SRD5A2: variants seen among roughly 807,000 people sequenced by gnomAD.
The protein encoded by SRD5A2 is 3-oxo-5-alpha-steroid 4-dehydrogenase 2.
A neutral mutation model predicts 27.4 loss-of-function variants in SRD5A2; 30 were observed. That is an observed-to-expected ratio of 1.10 (90% CI 0.82 to 1.49). The LOEUF (loss-of-function observed/expected upper bound fraction) is 1.49, where lower values mean the gene tolerates loss of function less well. SRD5A2 is among the 40% of genes most tolerant of loss of function. The pLI is 0.00. For missense variants in SRD5A2, 348 were observed against 323.4 expected, an observed-to-expected ratio of 1.08 and a Z score of -0.58; for synonymous variants, 141 against 133.6, an observed-to-expected ratio of 1.06 and a Z score of -0.38.
chr2:31,611,854 C>T, the SRD5A2 span, among the ~76,000 whole-genome samples: 3 of 151,978 alleles, frequency 2.0e-5, no homozygotes, highest in Admixed American at 6.6e-5. Context: ...AAGACTTGTA[C>T]GTGAATGTTC....
intron 1 of SRD5A2, among the ~76,000 whole-genome samples, chr2:31,549,110 T>TTATTAC (rs1666326729): frequency 1.4e-5 from 2 of 146,278 alleles, no homozygotes; most frequent in Non-Finnish European, 3.0e-5. Context: ...ATTATTATTA[T>TTATTAC]TATTATTATT....
chr2:31,609,486 C>A, the SRD5A2 span, among the ~76,000 whole-genome samples: 1 of 152,220 alleles, frequency 6.6e-6, no homozygotes, highest in Admixed American at 6.6e-5. Context: ...TGATTTTCAA[C>A]AAGGTTGTCA....
intron 1 of SRD5A2, among the ~76,000 whole-genome samples, chr2:31,580,398 G>C (rs1489512936): frequency 2.6e-5 from 4 of 152,234 alleles, no homozygotes; most frequent in African/African-American, 4.8e-5. Context: ...GGTCCTGGGG[G>C]AGTGAAGGCG....
chr2:31,552,610 G>T (rs773016635), intron 1 of SRD5A2, among the ~76,000 whole-genome samples: 16 of 152,032 alleles, frequency 1.1e-4, no homozygotes, highest in Admixed American at 2.6e-4. Flanking sequence ...CAACCTCTTG[G>T]TCTTTCACTA....
At chr2:31,616,065 T>C in the SRD5A2 span, among the ~76,000 whole-genome samples, 1 of 152,072 alleles carries the variant, frequency 6.6e-6, no homozygotes, top group Non-Finnish European at 1.5e-5. Context: ...TGCATGGAAA[T>C]GCCTGGATGT....
chr2:31,625,718 A>G, the SRD5A2 span, among the ~76,000 whole-genome samples: 1 of 152,068 alleles, frequency 6.6e-6, no homozygotes, highest in Non-Finnish European at 1.5e-5. Flanking sequence ...GCATTGATCT[A>G]TATCTCTGTT....
chr2:31,560,012 T>TC (rs1381894470), intron 1 of SRD5A2, among the ~76,000 whole-genome samples: 5 of 152,050 alleles, frequency 3.3e-5, no homozygotes, highest in Admixed American at 6.5e-5. Context: ...ATCATCACTT[T>TC]TTAAAAAATT....
At chr2:31,569,410 G>A (rs993912099) in intron 1 of SRD5A2, among the ~76,000 whole-genome samples, 1 of 152,088 alleles carries the variant, frequency 6.6e-6, no homozygotes, top group Non-Finnish European at 1.5e-5. Flanking sequence ...CAAACACTTG[G>A]TATGGTCAGT....
chr2:31,594,410 T>A, the SRD5A2 span, among the ~76,000 whole-genome samples: 3 of 152,048 alleles, frequency 2.0e-5, no homozygotes, highest in African/African-American at 4.8e-5. Context: ...TATTCTTATA[T>A]CAGACAAAAC....
intron 1 of SRD5A2, among the ~76,000 whole-genome samples, chr2:31,559,676 A>C (rs945739472): frequency 3.9e-5 from 6 of 152,152 alleles, no homozygotes; most frequent in Admixed American, 2.0e-4. Context: ...GAGGCAAATG[A>C]AAATAAAGAT....
At chr2:31,612,908 A>G in the SRD5A2 span, among the ~76,000 whole-genome samples, 2 of 152,206 alleles carry the variant, frequency 1.3e-5, no homozygotes, top group Non-Finnish European at 2.9e-5. Context: ...CCAAGAACAC[A>G]CCATAGGGAA....
the SRD5A2 span, among the ~76,000 whole-genome samples, chr2:31,654,527 G>A: frequency 6.6e-6 from 1 of 152,162 alleles, no homozygotes; most frequent in Non-Finnish European, 1.5e-5. Flanking sequence ...TTACGGGCTT[G>A]AGTAACATGT....
the SRD5A2 span, among the ~76,000 whole-genome samples, chr2:31,616,474 C>G: frequency 2.2e-4 from 34 of 152,322 alleles, no homozygotes; most frequent in African/African-American, 7.9e-4. Flanking sequence ...AGGTGCCCAC[C>G]TCTTACATCA....
chr2:31,550,651 TATCA>T (rs942205797), intron 1 of SRD5A2, among the ~76,000 whole-genome samples: 1 of 151,954 alleles, frequency 6.6e-6, no homozygotes, highest in Non-Finnish European at 1.5e-5. Context: ...AACCTGATTA[TATCA>T]ATCATTTAAA....
intron 4 of SRD5A2, chr2:31,526,903 A>G (rs2148061393): frequency 6.6e-6 from 1 of 152,486 alleles, no homozygotes; most frequent in Non-Finnish European, 1.5e-5. Flanking sequence ...TGTCCTAAAA[A>G]GAAGAGGAGA....
At chr2:31,593,047 G>A in the SRD5A2 span, among the ~76,000 whole-genome samples, 1 of 152,084 alleles carries the variant, frequency 6.6e-6, no homozygotes, top group Non-Finnish European at 1.5e-5. Context: ...ACTCATAGAT[G>A]GGAATTGAAC....
chr2:31,540,964 A>G (rs1326292043), intron 1 of SRD5A2, among the ~76,000 whole-genome samples: 3 of 152,164 alleles, frequency 2.0e-5, no homozygotes, highest in African/African-American at 4.8e-5. Context: ...ACCTTATTCC[A>G]TTGTTGCAAA....
the SRD5A2 span, among the ~76,000 whole-genome samples, chr2:31,587,777 T>C: frequency 6.6e-6 from 1 of 151,902 alleles, no homozygotes; most frequent in East Asian, 1.9e-4. Flanking sequence ...GGGAGAGCGT[T>C]AGGACAAATA....
chr2:31,566,601 T>C (rs1666734104), intron 1 of SRD5A2, among the ~76,000 whole-genome samples: 1 of 152,168 alleles, frequency 6.6e-6, no homozygotes, highest in Non-Finnish European at 1.5e-5. Flanking sequence ...TGATTGCATG[T>C]TAAGGGATCA....
Sources: gnomAD v4.1 joint callset for allele counts (sites outside exome capture counted in the v4.1 genomes callset) on GRCh38, gnomAD v4.1.1 for gene constraint, MANE v1.5 for transcripts, NCBI Gene and HGNC (gene_info 2026-07-23, HGNC 2026-07-21) for gene names.